PALM2AKAP2: variants seen among roughly 807,000 people sequenced by gnomAD.
PALM2AKAP2 encodes the protein PALM2 and AKAP2 fusion, also known as PALM2-AKAP2 fusion protein.
A neutral mutation model predicts 71.5 loss-of-function variants in PALM2AKAP2; 37 were observed. The observed-to-expected ratio is 0.52, with a 90% CI of 0.40 to 0.68. The LOEUF (loss-of-function observed/expected upper bound fraction) is 0.68. Among genes scored for constraint, PALM2AKAP2 ranks in the 30% least tolerant of loss-of-function variants. The probability of loss-of-function intolerance (pLI) is 0.00; values close to 1 mark genes in which losing one functional copy is unlikely to be tolerated. For synonymous variants in PALM2AKAP2, 468 were observed against 478.8 expected (o/e 0.98, Z 0.29); for missense variants, 1,224 against 1,191.8 (o/e 1.03, Z -0.40).
At chr9:110,159,058 T>C (rs1282378524) in intron 3 of PALM2AKAP2, among the ~76,000 whole-genome samples, 1 of 152,222 alleles carries the variant, frequency 6.6e-6, no homozygotes, top group Non-Finnish European at 1.5e-5. Flanking sequence ...AACATTCATT[T>C]TTTTCCTAAC....
intron 1 of PALM2AKAP2, among the ~76,000 whole-genome samples, chr9:110,096,426 A>AATTAATTTATTTATTTATTTATTTATTT (rs372825608): frequency 4.3e-4 from 64 of 149,498 alleles, no homozygotes; most frequent in African/African-American, 1.0e-3. Context: ...ATTATGCCTG[A>AATTAATTTATTTATTTATTTATTTATTT]ATTTATTTAT....
intron 7 of PALM2AKAP2, among the ~76,000 whole-genome samples, chr9:110,018,121 T>C (rs1833014717): frequency 3.9e-5 from 6 of 152,192 alleles, no homozygotes; most frequent in Admixed American, 3.9e-4. Context: ...ACCAGGATCT[T>C]GACTGAAGTT....
chr9:109,922,421 CAAAAAAAAAAAAAAAAAAAAAAA>C (rs398011831), intron 3 of PALM2AKAP2, among the ~76,000 whole-genome samples: 6 of 19,238 alleles, frequency 3.1e-4, no homozygotes, highest in African/African-American at 6.2e-4. Flanking sequence ...GACTCTATCT[CAAAAAAAAAAAAAAAAAAAAAAA>C]AAAAAAAAAA....
chr9:109,696,252 A>C (rs1210118206), intron 1 of PALM2AKAP2, among the ~76,000 whole-genome samples: 1 of 152,262 alleles, frequency 6.6e-6, no homozygotes, highest in Non-Finnish European at 1.5e-5. Flanking sequence ...CAGCAAGAAA[A>C]AAAAGCCCAG....
chr9:109,836,428 A>C (rs1828478691), intron 1 of PALM2AKAP2, among the ~76,000 whole-genome samples: 1 of 152,204 alleles, frequency 6.6e-6, no homozygotes, highest in Admixed American at 6.5e-5. Context: ...AAAGATGGGG[A>C]AAAAACAGAG....
chr9:109,716,962 C>T (rs954651253), intron 1 of PALM2AKAP2, among the ~76,000 whole-genome samples: 2 of 151,960 alleles, frequency 1.3e-5, no homozygotes, highest in African/African-American at 4.8e-5. Context: ...GATGGGATGT[C>T]TGGTTTTCTT....
intron 2 of PALM2AKAP2, among the ~76,000 whole-genome samples, chr9:109,868,207 C>T (rs1829508955): frequency 1.3e-5 from 2 of 152,160 alleles, no homozygotes; most frequent in Admixed American, 6.5e-5. Context: ...AGAGACAGCA[C>T]ACAAGAGCTG....
chr9:109,960,598 C>T lies in PALM2AKAP2; in HGVS notation c.496+28570C>T, dbSNP rs113494096. 3.3e-3 allele frequency among the ~76,000 whole-genome samples: 503 copies of T among 152,266 alleles called. 3 individuals are homozygous for T. The highest frequency in any genetic ancestry group is 0.012 in the African/African-American group (488 of 41,550). ...TTTAAGTCTAGTCTGCACAACATAG[C>T]AGGACCCTATTTCTTTAAAAAGAAA... is the stretch of plus-strand genomic sequence containing the variant. On this transcript the variant is annotated intron_variant, in intron 6 of 9. Coordinates refer to the PALM2AKAP2 transcript ENST00000302798.
intron 1 of PALM2AKAP2, among the ~76,000 whole-genome samples, chr9:109,648,105 T>C (rs1049507047): frequency 1.3e-5 from 2 of 152,218 alleles, no homozygotes; most frequent in African/African-American, 4.8e-5. Flanking sequence ...AGTTTAAAAG[T>C]GGCAGTTTCC....
chr9:109,873,897 T>G (rs1829662499), intron 2 of PALM2AKAP2, among the ~76,000 whole-genome samples: 1 of 152,090 alleles, frequency 6.6e-6, no homozygotes, highest in African/African-American at 2.4e-5. Flanking sequence ...ATCCCAGTAC[T>G]TGGGAGGCTG....
intron 3 of PALM2AKAP2, among the ~76,000 whole-genome samples, chr9:109,896,003 G>A (rs1368952696): frequency 1.3e-5 from 2 of 152,098 alleles, no homozygotes; most frequent in Non-Finnish European, 2.9e-5. Flanking sequence ...GGCCAACATG[G>A]TGAAACCCCG....
At chr9:109,999,247 C>G (rs1403025973) in intron 6 of PALM2AKAP2, among the ~76,000 whole-genome samples, 2 of 151,918 alleles carry the variant, frequency 1.3e-5, no homozygotes, top group Non-Finnish European at 2.9e-5. Context: ...GCTGGGTCAG[C>G]AGGATCACTT....
At chr9:110,143,461 T>G (rs1836087328) in intron 2 of PALM2AKAP2, among the ~76,000 whole-genome samples, 1 of 150,494 alleles carries the variant, frequency 6.6e-6, no homozygotes, top group Non-Finnish European at 1.5e-5. Flanking sequence ...GGAAGCACCT[T>G]TGCAGGTACA....
chr9:109,772,892 G>A lies in PALM2AKAP2; in HGVS notation c.6-7596G>A, dbSNP rs1249665364. 3.3e-5 allele frequency among the ~76,000 whole-genome samples: 5 copies of A among 152,306 alleles called. No individual in the cohort carries two copies. The East Asian group carries it at 5.8e-4, about 18-fold the overall frequency. On this transcript the variant is annotated intron_variant, in intron 1 of 6. Transcript: ENST00000374531. ...CCAGCACTTTGGGAGGCCGAAGCGG[G>A]CGGATCACGAGGTCAGGAGATGGAG...
At position 109,990,280 on chromosome 9, in the gene PALM2AKAP2, G is replaced by A. The variant is rs144353920; in HGVS notation, c.497-25674G>A. On this transcript the variant is annotated intron_variant, in intron 6 of 9. Coordinates refer to the PALM2AKAP2 transcript ENST00000302798. ...CAGCCATGTTGGCAAGGCTGGTCTC[G>A]AACTTCTGATCTCCAGTGATCCGCC... Among the ~76,000 whole-genome samples, 8 of 152,056 alleles carry A rather than the reference G, an allele frequency of 5.3e-5. No homozygotes were observed. The South Asian group carries it at 8.3e-4, about 16-fold the overall frequency.
chr9:110,067,610 A>AT (rs1190155956), intron 1 of PALM2AKAP2, among the ~76,000 whole-genome samples: 3 of 152,240 alleles, frequency 2.0e-5, no homozygotes, highest in Non-Finnish European at 4.4e-5. Flanking sequence ...GAACAGAGGA[A>AT]TTTCCTCCTC....
chr9:109,819,713 G>A lies in PALM2AKAP2; in HGVS notation c.45+39180G>A, dbSNP rs1019290741. On this transcript the variant is annotated intron_variant, in intron 1 of 9. Transcript: ENST00000302798. ...ATTATGTGTGTGTGTGTATGTGTGT[G>A]TGTGTGTGTGTGTGTGTGTGTATTA... 7.5e-4 allele frequency among the ~76,000 whole-genome samples: 111 copies of A among 148,980 alleles called. 1 individual carries two copies. The highest frequency in any genetic ancestry group is 3.4e-3 in the East Asian group (17 of 4,964).
At chr9:109,765,388 A>G (rs1370085532) in intron 1 of PALM2AKAP2, 1 of 152,584 alleles carries the variant, frequency 6.6e-6, no homozygotes, top group Non-Finnish European at 1.5e-5. Flanking sequence ...AGAGTTCAGC[A>G]CATGTAAGTG....
intron 1 of PALM2AKAP2, among the ~76,000 whole-genome samples, chr9:109,720,800 C>G (rs900696545): frequency 1.7e-4 from 26 of 152,342 alleles, no homozygotes; most frequent in African/African-American, 6.3e-4. Flanking sequence ...TTCACTCATT[C>G]ACTCATTCAC....
Sources: gnomAD v4.1 joint callset for allele counts (sites outside exome capture counted in the v4.1 genomes callset) on GRCh38, gnomAD v4.1.1 for gene constraint, MANE v1.5 for transcripts, NCBI Gene and HGNC (gene_info 2026-07-23, HGNC 2026-07-21) for gene names.